The following RASEF variants were observed in gnomAD, a reference collection of about 807,000 sequenced individuals.
RASEF encodes the protein ras and EF-hand domain-containing protein.
In RASEF, 68 loss-of-function variants were observed where a neutral mutation model predicts 90.1. The observed-to-expected ratio is 0.75, with a 90% CI of 0.62 to 0.92. RASEF has a LOEUF of 0.92. Among genes scored for constraint, RASEF ranks in the 40% least tolerant of loss-of-function variants. The pLI is 0.00. For synonymous variants in RASEF, 331 were observed against 345.2 expected, an observed-to-expected ratio of 0.96 and a Z score of 0.46; for missense variants, 949 against 937.2, an observed-to-expected ratio of 1.01 and a Z score of -0.16.
At chr9:83,006,690 G>C (rs1587489025) in intron 7 of RASEF, among the ~76,000 whole-genome samples, 1 of 152,024 alleles carries the variant, frequency 6.6e-6, no homozygotes, top group African/African-American at 2.4e-5. Flanking sequence ...TTCTACTTGG[G>C]GAGAGGGAAA....
At chr9:83,193,656 T>C in the RASEF span, among the ~76,000 whole-genome samples, 1 of 152,212 alleles carries the variant, frequency 6.6e-6, no homozygotes, top group Non-Finnish European at 1.5e-5. Context: ...AATATCTAAA[T>C]ACATGCTTGT....
chr9:83,205,200 A>G, the RASEF span, among the ~76,000 whole-genome samples: 1 of 152,216 alleles, frequency 6.6e-6, no homozygotes, highest in Non-Finnish European at 1.5e-5. Context: ...ATACAGTATG[A>G]AAGATATGAA....
the RASEF span, among the ~76,000 whole-genome samples, chr9:83,071,595 G>T: frequency 6.6e-6 from 1 of 151,912 alleles, no homozygotes; most frequent in Non-Finnish European, 1.5e-5. Flanking sequence ...TTGTAGAGAT[G>T]GGGGGTTTCA....
chr9:83,030,218 G>A (rs796358486), intron 1 of RASEF, among the ~76,000 whole-genome samples: 15 of 152,188 alleles, frequency 9.9e-5, no homozygotes, highest in Admixed American at 3.3e-4. Context: ...TTAGCCAGGC[G>A]TGGTGGTGGG....
At chr9:83,197,473 T>C in the RASEF span, among the ~76,000 whole-genome samples, 5 of 152,176 alleles carry the variant, frequency 3.3e-5, no homozygotes, top group Non-Finnish European at 5.9e-5. Context: ...AAATCACCTC[T>C]TCCTTGATGG....
the RASEF span, among the ~76,000 whole-genome samples, chr9:83,128,963 C>T: frequency 2.0e-5 from 3 of 152,206 alleles, no homozygotes; most frequent in Non-Finnish European, 4.4e-5. Flanking sequence ...CACCAAAGAG[C>T]ATGATGCATA....
the RASEF span, among the ~76,000 whole-genome samples, chr9:83,167,177 C>G: frequency 1.1e-4 from 16 of 151,890 alleles, no homozygotes; most frequent in South Asian, 3.1e-3. Context: ...CAAAATCAGA[C>G]TTTTGAGTCT....
chr9:83,001,074 G>A lies in RASEF; in HGVS notation c.1259C>T (p.Pro420Leu). 6.2e-7 allele frequency: 1 copy of A among 1,614,188 alleles called. No homozygotes were observed. Among genetic ancestry groups the A allele is most frequent in the Non-Finnish European group, 8.5e-7 (1 of 1,180,028 alleles). ...AACTTCACAATTTGTCCTCTGCAGA[G>A]GATCACAGAGGGCCAGGGAGTCACA... ...EDCDSLALCD[P>L]LQRTNCEVDS... The change falls in exon 10 of 17, where the codon CCT becomes CTT. Residue 420 changes from proline (P) to leucine (L), a missense_variant. Physicochemically the swap from Pro to Leu is moderately conservative, Grantham distance 98. This residue lies in a region of RASEF where 656 missense variants were observed against 592.2 expected (regional missense o/e 1.11). Coordinates refer to ENST00000376447, the MANE Select transcript of RASEF (RefSeq NM_152573.4).
the RASEF span, among the ~76,000 whole-genome samples, chr9:83,189,372 C>T: frequency 5.2e-4 from 79 of 152,310 alleles, no homozygotes; most frequent in Non-Finnish European, 8.2e-4. Flanking sequence ...AAACCTCTTT[C>T]CTGTATAAAT....
At chr9:83,033,734 C>T (rs1169488076) in intron 1 of RASEF, among the ~76,000 whole-genome samples, 1 of 152,084 alleles carries the variant, frequency 6.6e-6, no homozygotes, top group African/African-American at 2.4e-5. Flanking sequence ...AATCTAAGAC[C>T]ATTATCATTT....
the RASEF span, among the ~76,000 whole-genome samples, chr9:83,189,250 T>C: frequency 1.3e-5 from 2 of 152,214 alleles, no homozygotes; most frequent in Non-Finnish European, 2.9e-5. Context: ...TCCCCACTTT[T>C]GCTCGGCACT....
the RASEF span, among the ~76,000 whole-genome samples, chr9:83,146,903 A>C: frequency 8.7e-4 from 132 of 152,232 alleles, no homozygotes; most frequent in African/African-American, 3.1e-3. Flanking sequence ...AAATTATAAA[A>C]GGTGATAGTA....
chr9:83,075,774 T>C, the RASEF span, among the ~76,000 whole-genome samples: 463 of 152,046 alleles, frequency 3.0e-3, 1 homozygote, highest in Non-Finnish European at 5.5e-3. Flanking sequence ...CATGAAGAGA[T>C]GTTAAAATAT....
At chr9:83,014,361 C>CAT (rs1829304053) in intron 4 of RASEF, among the ~76,000 whole-genome samples, 1 of 152,124 alleles carries the variant, frequency 6.6e-6, no homozygotes, top group Non-Finnish European at 1.5e-5. Flanking sequence ...AAGATACTGA[C>CAT]ATAATCATGG....
At chr9:82,997,677 A>G (rs1186114781) in intron 13 of RASEF, among the ~76,000 whole-genome samples, 1 of 152,154 alleles carries the variant, frequency 6.6e-6, no homozygotes, top group Non-Finnish European at 1.5e-5. Flanking sequence ...AATATTTTAT[A>G]AGTATTTTAA....
the RASEF span, among the ~76,000 whole-genome samples, chr9:83,094,119 C>G: frequency 6.6e-6 from 1 of 152,036 alleles, no homozygotes; most frequent in African/African-American, 2.4e-5. Context: ...AACTGGTTTT[C>G]CAGTGATTAA....
At chr9:83,102,479 T>C in the RASEF span, among the ~76,000 whole-genome samples, 1 of 152,216 alleles carries the variant, frequency 6.6e-6, no homozygotes, top group Non-Finnish European at 1.5e-5. Context: ...CAAAAGGACC[T>C]TGTGTATTGA....
At chr9:83,100,955 G>T in the RASEF span, among the ~76,000 whole-genome samples, 1 of 152,060 alleles carries the variant, frequency 6.6e-6, no homozygotes, top group Non-Finnish European at 1.5e-5. Flanking sequence ...CAACTATTAG[G>T]TATATTACCT....
chr9:83,103,961 C>A, the RASEF span, among the ~76,000 whole-genome samples: 1 of 152,068 alleles, frequency 6.6e-6, no homozygotes, highest in African/African-American at 2.4e-5. Flanking sequence ...AATCAAAGGC[C>A]CTTCACTCCC....
Sources: gnomAD v4.1 joint callset for allele counts (sites outside exome capture counted in the v4.1 genomes callset) on GRCh38, gnomAD v4.1.1 for gene constraint, gnomAD v4.1.1 regional missense constraint, MANE v1.5 for transcripts, NCBI Gene and HGNC (gene_info 2026-07-23, HGNC 2026-07-21) for gene names.